GABRB2: variants seen among roughly 807,000 people sequenced by gnomAD.
GABRB2 encodes the protein gamma-aminobutyric acid type A receptor subunit beta2.
Under a neutral mutation model 54.7 loss-of-function variants are expected in GABRB2, and 16 were observed. That is an observed-to-expected ratio of 0.29 (90% CI 0.20 to 0.44). GABRB2 has a LOEUF of 0.44. GABRB2 is among the 20% of genes least tolerant of loss of function. The pLI is 1.00. For synonymous variants in GABRB2, 244 were observed against 233.8 expected, an observed-to-expected ratio of 1.04 and a Z score of -0.40; for missense variants, 355 against 644.0, an observed-to-expected ratio of 0.55 and a Z score of 4.86.
chr5:161,416,750 T>C (rs974978870), intron 4 of GABRB2, among the ~76,000 whole-genome samples: 2 of 133,558 alleles, frequency 1.5e-5, no homozygotes, highest in Admixed American at 8.1e-5. Context: ...CCTAACTATA[T>C]TCAAAACATA....
chr5:161,421,499 G>T (rs1163058444), intron 4 of GABRB2, among the ~76,000 whole-genome samples: 1 of 152,184 alleles, frequency 6.6e-6, no homozygotes, highest in Admixed American at 6.5e-5. Flanking sequence ...CTTGCTGAAA[G>T]TTCAGTGGGC....
rs140795978 is a variant in GABRB2, at chr5:161,326,400, G to A, written c.1159C>T (p.Arg387Trp). 139 of 1,613,452 alleles carry A rather than the reference G, an allele frequency of 8.6e-5. No individual in the cohort carries two copies. Among genetic ancestry groups the A allele is most frequent in the Middle Eastern group, 3.3e-4 (2 of 6,082 alleles). ...DPTGNLSPTR[R>W]TTNYDFSLYT... is the part of the protein sequence containing the mutation. ...AGAGAGAAATCGTAATTGGTAGTCC[G>A]TCTAGTTGGGGAGAGGTTTCCAGTA... is the stretch of plus-strand genomic sequence containing the variant. The change falls in exon 9 of 10, where the codon CGG becomes TGG. Residue 387 changes from arginine to tryptophan, a missense_variant. Arg to Trp is a moderately radical substitution (Grantham distance 101, BLOSUM62 -3). Coordinates refer to ENST00000393959, the MANE Select transcript of GABRB2 (RefSeq NM_001371727.1).
intron 4 of GABRB2, among the ~76,000 whole-genome samples, chr5:161,427,174 TG>T (rs1289539585): frequency 6.6e-6 from 1 of 152,212 alleles, no homozygotes; most frequent in African/African-American, 2.4e-5. Context: ...GACTAATAGC[TG>T]AATGAACTCT....
chr5:161,345,769 G>T lies in GABRB2; in HGVS notation c.542-9000C>A, dbSNP rs1754304247. On this transcript the variant is annotated intron_variant, in intron 5 of 9. Coordinates refer to ENST00000393959, the MANE Select transcript of GABRB2 (RefSeq NM_001371727.1). Reference sequence around the variant, plus strand: ...GCCACTTTTGCATTAGAGGATTTGTGGATGTGTTGGATAGTCTTCCCCTCT... The same window carrying T: ...GCCACTTTTGCATTAGAGGATTTGTTGATGTGTTGGATAGTCTTCCCCTCT... Among the ~76,000 whole-genome samples, 4 of 152,052 alleles carry T rather than the reference G, an allele frequency of 2.6e-5. No individual in the cohort carries two copies. In the South Asian group the frequency reaches 8.3e-4, roughly 31 times the overall value.
intron 5 of GABRB2, among the ~76,000 whole-genome samples, chr5:161,379,112 T>C (rs1755391123): frequency 6.6e-6 from 1 of 152,204 alleles, no homozygotes; most frequent in Non-Finnish European, 1.5e-5. Flanking sequence ...ACATCTAAAA[T>C]ACACTTTTAG....
intron 5 of GABRB2, among the ~76,000 whole-genome samples, chr5:161,346,959 G>T (rs1754335017): frequency 6.6e-6 from 1 of 152,074 alleles, no homozygotes; most frequent in African/African-American, 2.4e-5. Flanking sequence ...CTGAACTTGT[G>T]TTAGAAGAAA....
At chr5:161,449,645 T>A (rs940675983) in intron 4 of GABRB2, among the ~76,000 whole-genome samples, 2 of 152,282 alleles carry the variant, frequency 1.3e-5, no homozygotes, top group South Asian at 4.1e-4. Flanking sequence ...CTTCTGTTGT[T>A]TTTCAGTCTA....
intron 3 of GABRB2, among the ~76,000 whole-genome samples, chr5:161,487,256 T>A (rs1204205852): frequency 6.6e-6 from 1 of 151,956 alleles, no homozygotes; most frequent in Non-Finnish European, 1.5e-5. Context: ...GCACTTTCAT[T>A]GATATATATA....
At chr5:161,298,044 CT>C (rs1281082236) in intron 9 of GABRB2, among the ~76,000 whole-genome samples, 1 of 152,154 alleles carries the variant, frequency 6.6e-6, no homozygotes, top group Non-Finnish European at 1.5e-5. Flanking sequence ...TGATGATGAG[CT>C]TTTTTTCACG....
chr5:161,546,532 T>A, intron 1 of GABRB2, 35 bp downstream of exon 1: 1 of 1,583,774 alleles, frequency 6.3e-7, no homozygotes, highest in Non-Finnish European at 8.6e-7. Flanking sequence ...CCCTTCAAAG[T>A]GAGAACGGAA....
rs1403511326 is a variant in GABRB2 at position 161,304,471 on chromosome 5, A to G, written c.1192-10043T>C. Among the ~76,000 whole-genome samples the G allele has an allele frequency of 2.0e-5, 3 of 152,260 alleles. No individual in the cohort carries two copies. In the South Asian group the frequency reaches 6.2e-4, roughly 32 times the overall value. ...CCCAGTGCTAGTATTTCTTTTCCAC[A>G]CTGTGTAGGCCTTGCTGTGGCAACT... On this transcript the variant is annotated intron_variant, in intron 9 of 9. Transcript: ENST00000393959.
At chr5:161,492,047 A>G (rs76021882) in intron 3 of GABRB2, among the ~76,000 whole-genome samples, 2 of 151,646 alleles carry the variant, frequency 1.3e-5, no homozygotes, top group South Asian at 2.1e-4. Context: ...CTGAAAAAAA[A>G]GTATAGTAGG....
chr5:161,476,884 T>C (rs1561664198), intron 3 of GABRB2, among the ~76,000 whole-genome samples: 1 of 151,890 alleles, frequency 6.6e-6, no homozygotes, highest in Non-Finnish European at 1.5e-5. Context: ...GATTTTGTAA[T>C]AATTTCTTGG....
chr5:161,295,989 T>C (rs1757370670), intron 9 of GABRB2, among the ~76,000 whole-genome samples: 1 of 152,190 alleles, frequency 6.6e-6, no homozygotes. Context: ...GGAAGGAACA[T>C]TTAAAGGTTC....
At chr5:161,338,855 T>C (rs1341159206) in intron 5 of GABRB2, among the ~76,000 whole-genome samples, 1 of 152,134 alleles carries the variant, frequency 6.6e-6, no homozygotes, top group Non-Finnish European at 1.5e-5. Flanking sequence ...TTCTAGGTAT[T>C]AAGTGAATTG....
At chr5:161,424,184 A>G (rs1756931181) in intron 4 of GABRB2, among the ~76,000 whole-genome samples, 1 of 152,176 alleles carries the variant, frequency 6.6e-6, no homozygotes, top group Admixed American at 6.6e-5. Context: ...AAAGCTGTAG[A>G]AAATTATCCA....
intron 5 of GABRB2, among the ~76,000 whole-genome samples, chr5:161,350,490 C>A (rs1754441263): frequency 6.6e-6 from 1 of 151,962 alleles, no homozygotes; most frequent in South Asian, 2.1e-4. Flanking sequence ...AGGCTAAAGA[C>A]CTGTACACAG....
At chr5:161,402,753 C>T (rs919189703) in intron 5 of GABRB2, among the ~76,000 whole-genome samples, 2 of 152,084 alleles carry the variant, frequency 1.3e-5, no homozygotes, top group South Asian at 4.1e-4. Context: ...CACCCAGGTC[C>T]ACTGTGTTAG....
At chr5:161,482,107 C>T (rs1374563847) in intron 3 of GABRB2, among the ~76,000 whole-genome samples, 1 of 152,032 alleles carries the variant, frequency 6.6e-6, no homozygotes, top group Non-Finnish European at 1.5e-5. Flanking sequence ...TTCCCATTCT[C>T]AGCTATACCA....
Sources: gnomAD v4.1 joint callset for allele counts (sites outside exome capture counted in the v4.1 genomes callset) on GRCh38, gnomAD v4.1.1 for gene constraint, MANE v1.5 for transcripts, NCBI Gene and HGNC (gene_info 2026-07-23, HGNC 2026-07-21) for gene names.